The following GRM7 variants were observed in gnomAD, a reference collection of about 807,000 sequenced individuals.
GRM7 encodes the protein glutamate metabotropic receptor 7, also known as metabotropic glutamate receptor 7.
GRM7 carries 35 observed loss-of-function variants against 84.5 expected under a neutral mutation model. The ratio of observed to expected loss-of-function variants is 0.41; its 90% CI spans 0.32 to 0.55. GRM7 has a LOEUF of 0.55. Among genes scored for constraint, GRM7 ranks in the 20% least tolerant of loss-of-function variants. GRM7 has a pLI of 0.19. For missense variants in GRM7, 1,003 were observed against 1,194.6 expected, an observed-to-expected ratio of 0.84 and a Z score of 2.36; for synonymous variants, 487 against 455.1, an observed-to-expected ratio of 1.07 and a Z score of -0.89.
chr3:7,712,691 T>C (rs530190286), intron 9 of GRM7, among the ~76,000 whole-genome samples: 1 of 150,560 alleles, frequency 6.6e-6, no homozygotes, highest in Admixed American at 6.7e-5. Context: ...AGCTAAGATC[T>C]ACACACTTAG....
intron 3 of GRM7, 64 bp downstream of exon 3, chr3:7,298,889 G>C: frequency 7.1e-7 from 1 of 1,402,332 alleles, no homozygotes; most frequent in Non-Finnish European, 1.0e-6. Flanking sequence ...GAAAGATTAG[G>C]CTGCTGGCTG....
chr3:7,368,336 C>T (rs976671655), intron 4 of GRM7, among the ~76,000 whole-genome samples: 1 of 151,972 alleles, frequency 6.6e-6, no homozygotes, highest in Admixed American at 6.6e-5. Context: ...CAAAATGAGC[C>T]ATTTTTTTCT....
intron 2 of GRM7, among the ~76,000 whole-genome samples, chr3:7,252,684 T>TTCTTTTCTTTTTTTCCTTTCTTTTTTTC: frequency 8.5e-6 from 1 of 118,264 alleles, no homozygotes; most frequent in East Asian, 2.6e-4. Flanking sequence ...TTCTTTTCTT[T>TTCTTTTCTTTTTTTCCTTTCTTTTTTTC]TTTTCTTTTC....
intron 8 of GRM7, among the ~76,000 whole-genome samples, chr3:7,591,181 T>A (rs988209816): frequency 1.3e-5 from 2 of 152,190 alleles, no homozygotes; most frequent in African/African-American, 2.4e-5. Context: ...GAGTATGTCA[T>A]GAAGATTGCG....
At chr3:7,730,918 AAGTAAAACAT>A (rs1702307306) in intron 9 of GRM7, among the ~76,000 whole-genome samples, 1 of 152,208 alleles carries the variant, frequency 6.6e-6, no homozygotes, top group South Asian at 2.1e-4. Flanking sequence ...TTTTTTTCCA[AAGTAAAACAT>A]ATACACCATC....
intron 1 of GRM7, among the ~76,000 whole-genome samples, chr3:6,930,778 G>A (rs149981759): frequency 1.1e-4 from 16 of 152,286 alleles, no homozygotes; most frequent in African/African-American, 3.9e-4. Context: ...ATTTCCAGCA[G>A]CAATAGGCAC....
intron 4 of GRM7, among the ~76,000 whole-genome samples, chr3:7,397,022 G>A (rs778738112): frequency 3.3e-5 from 5 of 151,878 alleles, no homozygotes; most frequent in African/African-American, 9.7e-5. Flanking sequence ...TGTGCCCATG[G>A]GTTCCATTTT....
At chr3:7,094,880 G>T (rs547397074) in intron 1 of GRM7, among the ~76,000 whole-genome samples, 1 of 151,924 alleles carries the variant, frequency 6.6e-6, no homozygotes, top group East Asian at 1.9e-4. Context: ...TTTAATCAAG[G>T]ACACTTCACT....
At position 7,131,688 on chromosome 3, in the gene GRM7, A is replaced by G. The variant is rs539977090; in HGVS notation, c.520-14764A>G. Reference sequence around the variant, plus strand: ...GAGATGGGGTTTCACCATGTTGGCCAGGATGGACTCGATCTCTTGACCTCG... The same window carrying G: ...GAGATGGGGTTTCACCATGTTGGCCGGGATGGACTCGATCTCTTGACCTCG... On this transcript the variant is annotated intron_variant, in intron 1 of 9. Coordinates refer to ENST00000357716, the MANE Select transcript of GRM7 (RefSeq NM_000844.4). Among the ~76,000 whole-genome samples the G allele has an allele frequency of 2.0e-4, 30 of 152,138 alleles. No individual in the cohort carries two copies. In the South Asian group the frequency reaches 6.0e-3, roughly 31 times the overall value.
intron 2 of GRM7, among the ~76,000 whole-genome samples, chr3:7,222,292 AG>A: frequency 6.6e-6 from 1 of 152,182 alleles, no homozygotes; most frequent in South Asian, 2.1e-4. Context: ...ACCTAGATTA[AG>A]GTAGTGCTGT....
At chr3:7,102,503 C>T (rs1041282595) in intron 1 of GRM7, among the ~76,000 whole-genome samples, 1 of 151,654 alleles carries the variant, frequency 6.6e-6, no homozygotes. Flanking sequence ...TGCCCTCATA[C>T]CTATGGTATG....
chr3:7,265,926 C>T (rs1399090098), intron 2 of GRM7, among the ~76,000 whole-genome samples: 8 of 152,180 alleles, frequency 5.3e-5, no homozygotes, highest in South Asian at 4.2e-4. Flanking sequence ...TGGGGTTACA[C>T]GGAAGGGTAC....
rs554934909 is a variant in GRM7, at chr3:7,024,749, G to A, written c.520-121703G>A. On this transcript the variant is annotated intron_variant, in intron 1 of 9. Transcript: ENST00000357716. Reference sequence around the variant, plus strand: ...TCATTTTCCCGTAACTCTAAACAAGGGCTTACTGAAAATCTTCTCCTAGAA... The same window carrying A: ...TCATTTTCCCGTAACTCTAAACAAGAGCTTACTGAAAATCTTCTCCTAGAA... Among the ~76,000 whole-genome samples, 37 of 152,270 alleles carry A rather than the reference G, an allele frequency of 2.4e-4. No homozygotes were observed. In the South Asian group the frequency reaches 3.7e-3, roughly 15 times the overall value.
At position 7,109,239 on chromosome 3, in the gene GRM7, G is replaced by A. The variant is rs189794519; in HGVS notation, c.520-37213G>A. ...AACTCAGATGAAAGGTTGAATTCAA[G>A]GAAGAGGGTACTGTGAATTTGATCA... On this transcript the variant is annotated intron_variant, in intron 1 of 9. Coordinates refer to ENST00000357716, the MANE Select transcript of GRM7 (RefSeq NM_000844.4). 6.0e-3 allele frequency among the ~76,000 whole-genome samples: 915 copies of A among 152,144 alleles called. 2 individuals carry two copies. Among genetic ancestry groups the A allele is most frequent in the Non-Finnish European group, 9.5e-3 (647 of 67,952 alleles).
intron 4 of GRM7, among the ~76,000 whole-genome samples, chr3:7,333,861 G>C (rs984134716): frequency 1.3e-5 from 2 of 152,046 alleles, no homozygotes; most frequent in African/African-American, 4.8e-5. Context: ...TTAGAAGAAA[G>C]AACTTCAGAG....
chr3:7,287,234 C>A (rs1040923113), intron 2 of GRM7, among the ~76,000 whole-genome samples: 8 of 152,096 alleles, frequency 5.3e-5, no homozygotes, highest in African/African-American at 1.9e-4. Flanking sequence ...GATCTAAGAA[C>A]CTAAGTATTG....
intron 7 of GRM7, among the ~76,000 whole-genome samples, chr3:7,515,740 C>T (rs6774660): frequency 0.26 from 38,786 of 151,954 alleles, 5,272 homozygotes; most frequent in Non-Finnish European, 0.29. Context: ...GACTTTAGAA[C>T]GCCATAATCT....
intron 4 of GRM7, chr3:7,402,986 A>G (rs1695516023): frequency 5.2e-6 from 1 of 192,920 alleles, no homozygotes; most frequent in Middle Eastern, 8.1e-4. Context: ...GTTTGATTAT[A>G]TAAGTTTAGA....
rs1004257251 is a variant in GRM7, at chr3:7,732,508, C to G, written c.2699-7849C>G. Among the ~76,000 whole-genome samples the G allele has an allele frequency of 2.6e-5, 4 of 151,998 alleles. No homozygotes were observed. The East Asian group carries it at 7.7e-4, about 29-fold the overall frequency. On this transcript the variant is annotated intron_variant, in intron 9 of 9. Coordinates refer to ENST00000357716, the MANE Select transcript of GRM7 (RefSeq NM_000844.4). ...CAAGTGACTAGAAACTAAAACCAACCAGAGCAAAGAACAGGAAACCAGTTA... is the reference window on the plus strand; with the variant it reads ...CAAGTGACTAGAAACTAAAACCAACGAGAGCAAAGAACAGGAAACCAGTTA...
Sources: gnomAD v4.1 joint callset for allele counts (sites outside exome capture counted in the v4.1 genomes callset) on GRCh38, gnomAD v4.1.1 for gene constraint, MANE v1.5 for transcripts, NCBI Gene and HGNC (gene_info 2026-07-23, HGNC 2026-07-21) for gene names.